The following USO1 variants were observed in gnomAD, a reference collection of about 807,000 sequenced individuals.
USO1 encodes USO1 vesicle transport factor.
In USO1, 57 loss-of-function variants were observed where a neutral mutation model predicts 124.5. The observed-to-expected ratio is 0.46, with a 90% confidence interval of 0.37 to 0.57. The LOEUF is 0.57. Among genes scored for constraint, USO1 ranks in the 20% least tolerant of loss-of-function variants. The pLI, the probability that USO1 is intolerant of heterozygous loss-of-function variation, is 0.00. For missense variants in USO1, 900 were observed against 1,040.6 expected (o/e 0.86, Z 1.86); for synonymous variants, 369 against 362.8 (o/e 1.02, Z -0.19).
chr4:75,755,257 G>A (rs1426663231), intron 3 of USO1, among the ~76,000 whole-genome samples: 5 of 152,198 alleles, frequency 3.3e-5, no homozygotes, highest in African/African-American at 9.6e-5. Flanking sequence ...AAGGAGAGGA[G>A]AATTAGGCTT....
intron 1 of USO1, among the ~76,000 whole-genome samples, chr4:75,747,130 T>G (rs1373007970): frequency 1.3e-5 from 2 of 152,244 alleles, no homozygotes; most frequent in African/African-American, 2.4e-5. Flanking sequence ...AATTACATTC[T>G]TCTTTGTTTA....
chr4:75,743,048 G>A (rs1387263863), intron 1 of USO1, among the ~76,000 whole-genome samples: 1 of 149,462 alleles, frequency 6.7e-6, no homozygotes, highest in African/African-American at 2.5e-5. Flanking sequence ...GCAGTGGCAC[G>A]ATCTCGGCTC....
intron 4 of USO1, among the ~76,000 whole-genome samples, chr4:75,766,753 T>C (rs1721778802): frequency 6.6e-6 from 1 of 152,202 alleles, no homozygotes; most frequent in Non-Finnish European, 1.5e-5. Context: ...ATTTTACAAA[T>C]AAGGAAACTG....
intron 8 of USO1, among the ~76,000 whole-genome samples, chr4:75,778,658 A>G (rs1001509644): frequency 6.6e-6 from 1 of 152,174 alleles, no homozygotes; most frequent in Non-Finnish European, 1.5e-5. Flanking sequence ...GGTATTTTTT[A>G]GGGCCATGAA....
chr4:75,733,071 C>T (rs1356456862), intron 1 of USO1, among the ~76,000 whole-genome samples: 1 of 150,978 alleles, frequency 6.6e-6, no homozygotes, highest in Non-Finnish European at 1.5e-5. Flanking sequence ...CCAGCCTGGC[C>T]AATATGGTGA....
chr4:75,744,411 T>A (rs1159618167), intron 1 of USO1, among the ~76,000 whole-genome samples: 1 of 152,164 alleles, frequency 6.6e-6, no homozygotes, highest in Non-Finnish European at 1.5e-5. Flanking sequence ...CACTGCTGTT[T>A]TTTGATTCTA....
At chr4:75,776,574 G>C (rs1456188186) in intron 8 of USO1, among the ~76,000 whole-genome samples, 1 of 152,148 alleles carries the variant, frequency 6.6e-6, no homozygotes, top group Non-Finnish European at 1.5e-5. Flanking sequence ...AGTTTCAGTG[G>C]CTCTTTGTAA....
At chr4:75,735,580 G>A (rs901433477) in intron 1 of USO1, among the ~76,000 whole-genome samples, 1 of 152,108 alleles carries the variant, frequency 6.6e-6, no homozygotes, top group Non-Finnish European at 1.5e-5. Flanking sequence ...GAGTGCAGTG[G>A]TGTGATCACG....
chr4:75,808,781 A>AATG (rs1411099750), intron 20 of USO1, among the ~76,000 whole-genome samples, 172 bp from the exon 21 acceptor site: 1 of 148,868 alleles, frequency 6.7e-6, no homozygotes, highest in East Asian at 2.0e-4. Context: ...AGCAGAGGTA[A>AATG]ATGAATGTGT....
chr4:75,785,120 T>C (rs543360622), intron 9 of USO1, among the ~76,000 whole-genome samples: 3 of 152,214 alleles, frequency 2.0e-5, no homozygotes, highest in Non-Finnish European at 4.4e-5. Context: ...TATAACTTTA[T>C]TTAGAGTTGC....
At chr4:75,744,996 T>C (rs3853184) in intron 1 of USO1, 385,518 of 432,848 alleles carry the variant, frequency 0.89, 172,037 homozygotes, top group African/African-American at 0.97. Context: ...CTCTTAAATT[T>C]AGGTCTTTCC....
At position 75,732,836 on chromosome 4, in the gene USO1, G is replaced by A. The variant is rs184874306; in HGVS notation, c.66+7951G>A. 4.9e-3 allele frequency among the ~76,000 whole-genome samples: 583 copies of A among 119,756 alleles called. 4 individuals are homozygous for A. Among genetic ancestry groups the A allele is most frequent in the African/African-American group, 0.017 (540 of 31,214 alleles). 78.6% of individuals were successfully genotyped at this position (119,756 alleles called of 152,430 possible). On this transcript the variant is annotated intron_variant, in intron 1 of 23. Coordinates refer to ENST00000514213, the MANE Select transcript of USO1 (RefSeq NM_003715.4). ...GGAGGTTGCAGTGAGCCAAGATCGC[G>A]CCACTGCACTCCAGCCTGGCGACAG...
chr4:75,801,253 C>CTTT (rs1394114235), intron 17 of USO1, 53 bp downstream of exon 17: 1 of 1,468,804 alleles, frequency 6.8e-7, no homozygotes, highest in Non-Finnish European at 9.0e-7. Context: ...GCACTTTCTG[C>CTTT]TTTAAGGGAG....
intron 9 of USO1, among the ~76,000 whole-genome samples, chr4:75,784,204 A>G (rs975413301): frequency 6.6e-6 from 1 of 152,148 alleles, no homozygotes; most frequent in African/African-American, 2.4e-5. Flanking sequence ...TATTTTTAGT[A>G]GACATGAGGT....
At chr4:75,730,308 AAAG>A (rs572847502) in intron 1 of USO1, among the ~76,000 whole-genome samples, 158 of 152,358 alleles carry the variant, frequency 1.0e-3, no homozygotes, top group African/African-American at 3.7e-3. Flanking sequence ...TTTTGTCAGC[AAAG>A]AAGTGTGTGC....
intron 4 of USO1, among the ~76,000 whole-genome samples, chr4:75,767,334 C>A (rs1178630737): frequency 1.3e-5 from 2 of 152,172 alleles, no homozygotes; most frequent in East Asian, 3.8e-4. Context: ...TTAGATACCC[C>A]CTAACACATA....
chr4:75,728,222 T>C (rs551483598), intron 1 of USO1, among the ~76,000 whole-genome samples: 1 of 152,282 alleles, frequency 6.6e-6, no homozygotes, highest in South Asian at 2.1e-4. Context: ...TTTCTTGTTT[T>C]TTTTTTTCTT....
chr4:75,759,376 T>A (rs564718893), intron 4 of USO1, among the ~76,000 whole-genome samples: 1 of 144,718 alleles, frequency 6.9e-6, no homozygotes, highest in Non-Finnish European at 1.5e-5. Flanking sequence ...GGTGGATCAC[T>A]TGAGGTCAGG....
rs370387267 is a variant in USO1 at position 75,800,614 on chromosome 4, G to A, written c.1683-4G>A. On this transcript the variant is annotated splice_polypyrimidine_tract_variant and splice_region_variant and intron_variant, in intron 15 of 23. Coordinates refer to ENST00000514213, the MANE Select transcript of USO1 (RefSeq NM_003715.4). ...AAAGCATCTCAATATGCTTATCTCCGTAGAGAGAAGCTAAAACAACTGATT... is the reference window on the plus strand; with the variant it reads ...AAAGCATCTCAATATGCTTATCTCCATAGAGAGAAGCTAAAACAACTGATT... The A allele has an allele frequency of 1.8e-4, 278 of 1,549,494 alleles. No homozygotes were observed. The highest frequency in any genetic ancestry group is 1.0e-3 in the Middle Eastern group (6 of 5,736).
Sources: gnomAD v4.1 joint callset for allele counts (sites outside exome capture counted in the v4.1 genomes callset) on GRCh38, gnomAD v4.1.1 for gene constraint, MANE v1.5 for transcripts, NCBI Gene and HGNC (gene_info 2026-07-23, HGNC 2026-07-21) for gene names.